SUGP1: variants seen among roughly 807,000 people sequenced by gnomAD.
SUGP1 encodes the protein SURP and G-patch domain-containing protein 1.
Under a neutral mutation model 76.5 loss-of-function variants are expected in SUGP1, and 34 were observed. The observed-to-expected ratio is 0.44, with a 90% CI of 0.34 to 0.59. The LOEUF is 0.59. Ranked by LOEUF, SUGP1 falls within the 20% of genes least tolerant of loss-of-function variation. The probability of loss-of-function intolerance (pLI) is 0.01; values close to 1 mark genes in which losing one functional copy is unlikely to be tolerated. For synonymous variants in SUGP1, 326 were observed against 326.2 expected, an observed-to-expected ratio of 1.00 and a Z score of 0.01; for missense variants, 752 against 851.7, an observed-to-expected ratio of 0.88 and a Z score of 1.46.
intron 4 of SUGP1, among the ~76,000 whole-genome samples, chr19:19,304,370 G>A (rs1342441941): frequency 6.6e-6 from 1 of 152,002 alleles, no homozygotes; most frequent in Non-Finnish European, 1.5e-5. Context: ...GTCTCTGATG[G>A]CCTCCTTGCC....
At chr19:19,303,995 A>G in intron 4 of SUGP1, 148 bp from the exon 5 acceptor site, 1 of 1,594,000 alleles carries the variant, frequency 6.3e-7, no homozygotes, top group Non-Finnish European at 8.5e-7. Context: ...TCCAGGCACA[A>G]AACACCATGA....
At chr19:19,316,203 C>T in intron 2 of SUGP1, 1 of 586,100 alleles carries the variant, frequency 1.7e-6, no homozygotes, top group East Asian at 3.0e-5. Flanking sequence ...TAAATAACTG[C>T]TGAGTGGATG....
At chr19:19,283,601 G>A (rs753016965) in intron 8 of SUGP1, among the ~76,000 whole-genome samples, 11 of 152,156 alleles carry the variant, frequency 7.2e-5, no homozygotes, top group South Asian at 4.2e-4. Context: ...ACTACAGGTG[G>A]CACGCCACCA....
intron 8 of SUGP1, 89 bp downstream of exon 8, chr19:19,296,900 G>A (rs1317926600): frequency 5.3e-6 from 6 of 1,136,132 alleles, no homozygotes; most frequent in Non-Finnish European, 7.3e-6. Context: ...TCTGATACAA[G>A]CTACACTGTG....
intron 3 of SUGP1, among the ~76,000 whole-genome samples, chr19:19,308,687 C>T (rs1163732834): frequency 6.6e-6 from 1 of 152,238 alleles, no homozygotes; most frequent in Non-Finnish European, 1.5e-5. Context: ...ACCTGCTCAC[C>T]CCTGCTGGTG....
At chr19:19,295,568 T>C (rs554808163) in intron 8 of SUGP1, among the ~76,000 whole-genome samples, 5 of 136,228 alleles carry the variant, frequency 3.7e-5, no homozygotes, top group East Asian at 4.2e-4. Context: ...TGTGCCACAC[T>C]GTACTCCAGC....
chr19:19,302,603 G>T, intron 6 of SUGP1: 1 of 634,830 alleles, frequency 1.6e-6, no homozygotes, highest in Non-Finnish European at 2.6e-6. Context: ...CCACAAGGGA[G>T]GTCAAGAGGG....
At chr19:19,301,177 G>C (rs1260209882) in intron 7 of SUGP1, among the ~76,000 whole-genome samples, 5 of 151,400 alleles carry the variant, frequency 3.3e-5, no homozygotes, top group Non-Finnish European at 5.9e-5. Flanking sequence ...GACACCTGTC[G>C]GGGGGGCCTC....
At chr19:19,279,688 G>A (rs8101938) in intron 9 of SUGP1, among the ~76,000 whole-genome samples, 63,485 of 152,020 alleles carry the variant, frequency 0.42, 14,653 homozygotes, top group African/African-American at 0.62. Flanking sequence ...GGGTCACAGC[G>A]AGCTGACCCC....
At chr19:19,278,646 C>T in intron 11 of SUGP1, 44 bp downstream of exon 11, 1 of 1,549,712 alleles carries the variant, frequency 6.5e-7, no homozygotes. Flanking sequence ...ACAGGAGGGG[C>T]TGGCATGTGG....
At chr19:19,300,053 C>T (rs2061259204) in intron 7 of SUGP1, among the ~76,000 whole-genome samples, 2 of 151,908 alleles carry the variant, frequency 1.3e-5, no homozygotes, top group African/African-American at 4.8e-5. Context: ...GCTGGGATTA[C>T]AGGTGTGAGC....
Position 19,303,802 on chromosome 19 carries a change from A to G in SUGP1, c.584T>C (p.Leu195Ser). The G allele has an allele frequency of 2.5e-6, 4 of 1,614,172 alleles. No individual in the cohort carries two copies. The highest frequency in any genetic ancestry group is 3.4e-6 in the Non-Finnish European group (4 of 1,180,046). Residue 195 changes from leucine to serine, a missense_variant, in exon 5 of 14, where the codon TTG (leucine) becomes TCG (serine). By Grantham distance (145) the Leu-to-Ser change is moderately radical. Transcript: ENST00000247001. ...GAETRKVIEK[L>S]ARFVAEGGPE... ...GCCTCCTTCTGCCACAAAGCGGGCCAATTTCTCTATCACTTTCCGAGTCTC... is the reference window on the plus strand; with the variant it reads ...GCCTCCTTCTGCCACAAAGCGGGCCGATTTCTCTATCACTTTCCGAGTCTC...
chr19:19,310,282 C>T, intron 2 of SUGP1, 82 bp from the exon 3 acceptor site: 1 of 1,065,292 alleles, frequency 9.4e-7, no homozygotes. Context: ...GAGGATGAGG[C>T]CATCACCTCG....
chr19:19,297,713 C>T (rs1164126047), intron 7 of SUGP1, among the ~76,000 whole-genome samples: 1 of 151,924 alleles, frequency 6.6e-6, no homozygotes, highest in East Asian at 1.9e-4. Context: ...TGTGGGGAGA[C>T]ACCAGACACG....
Position 19,302,377 on chromosome 19 carries a change from C to G in SUGP1, c.775G>C (p.Glu259Gln), listed in dbSNP as rs2146615167. 1 of 1,614,132 alleles carries G rather than the reference C, an allele frequency of 6.2e-7. No individual in the cohort carries two copies. The highest frequency in any genetic ancestry group is 8.5e-7 in the Non-Finnish European group (1 of 1,179,984). ...QAASQKVSPP[E>Q]DEEVKNLAEK... ...GCAAGGTTCTTGACCTCTTCGTCCT[C>G]TGGGGGTGAAACTTTAAGCAGGCTG... is the stretch of plus-strand genomic sequence containing the variant. Residue 259 changes from glutamate (E) to glutamine (Q), a missense_variant, in exon 7 of 14, where the codon GAG becomes CAG. By Grantham distance (29) the Glu-to-Gln change is conservative. This residue lies in a region of SUGP1 where 620 missense variants were observed against 617.3 expected (regional missense o/e 1.00). Coordinates refer to ENST00000247001, the MANE Select transcript of SUGP1 (RefSeq NM_172231.4).
intron 2 of SUGP1, among the ~76,000 whole-genome samples, chr19:19,312,339 A>T (rs534377324): frequency 6.6e-6 from 1 of 152,324 alleles, no homozygotes; most frequent in East Asian, 1.9e-4. Flanking sequence ...TGCTCTCTAA[A>T]TTAGAAGTCA....
chr19:19,294,191 G>GA (rs896414695), intron 8 of SUGP1, among the ~76,000 whole-genome samples: 27 of 129,108 alleles, frequency 2.1e-4, no homozygotes, highest in African/African-American at 3.4e-4. Context: ...TGTCTCAAAA[G>GA]AAAAAAAAAA....
intron 8 of SUGP1, among the ~76,000 whole-genome samples, chr19:19,293,506 C>T (rs1395282207): frequency 6.6e-6 from 1 of 151,924 alleles, no homozygotes; most frequent in Non-Finnish European, 1.5e-5. Context: ...ATTGCTTGAA[C>T]CCGGGAGGCA....
At chr19:19,290,857 G>A (rs1017376283) in intron 8 of SUGP1, among the ~76,000 whole-genome samples, 8 of 151,634 alleles carry the variant, frequency 5.3e-5, no homozygotes, top group Non-Finnish European at 8.8e-5. Flanking sequence ...GGTGGCTCAC[G>A]CCAGTAATCC....
Sources: gnomAD v4.1 joint callset for allele counts (sites outside exome capture counted in the v4.1 genomes callset) on GRCh38, gnomAD v4.1.1 for gene constraint, gnomAD v4.1.1 regional missense constraint, MANE v1.5 for transcripts, NCBI Gene and HGNC (gene_info 2026-07-23, HGNC 2026-07-21) for gene names.